Variants in ABCC4 observed in about 807,000 individuals in gnomAD.
ABCC4 encodes the protein ATP-binding cassette sub-family C member 4.
Under a neutral mutation model 168.5 loss-of-function variants are expected in ABCC4, and 102 were observed. The observed-to-expected ratio is 0.61, with a 90% CI of 0.52 to 0.71. ABCC4 has a LOEUF of 0.71. Among genes scored for constraint, ABCC4 ranks in the 30% least tolerant of loss-of-function variants. ABCC4 has a pLI of 0.00. For synonymous variants in ABCC4, 617 were observed against 590.7 expected (o/e 1.04, Z -0.65); for missense variants, 1,402 against 1,605.8 (o/e 0.87, Z 2.17).
rs558114344 is a variant in ABCC4 at position 95,210,338 on chromosome 13, C to G, written c.621+354G>C. Among the ~76,000 whole-genome samples, 8 of 152,332 alleles carry G rather than the reference C, an allele frequency of 5.3e-5. 1 individual carries two copies. The South Asian group carries it at 1.7e-3, about 32-fold the overall frequency. Reference sequence around the variant, plus strand: ...TACAAATAATAAAAAAAGAAATTAGCCAGCAATCCTTTTGTAGTTCATGAG... The same window carrying G: ...TACAAATAATAAAAAAAGAAATTAGGCAGCAATCCTTTTGTAGTTCATGAG... On this transcript the variant is annotated intron_variant, in intron 5 of 30. Transcript: ENST00000645237.
intron 19 of ABCC4, among the ~76,000 whole-genome samples, chr13:95,125,301 G>C (rs2035718365): frequency 6.6e-6 from 1 of 152,164 alleles, no homozygotes; most frequent in Non-Finnish European, 1.5e-5. Flanking sequence ...TTTCCAGGCA[G>C]GGCTGACACA....
intron 19 of ABCC4, 31 bp from the exon 20 acceptor site, chr13:95,116,032 T>A (rs746574141): frequency 5.2e-6 from 8 of 1,525,456 alleles, no homozygotes; most frequent in Non-Finnish European, 7.2e-6. Flanking sequence ...AAATTACTCA[T>A]TTCCCCAGAT....
intron 30 of ABCC4, among the ~76,000 whole-genome samples, chr13:95,024,748 T>C (rs73555524): frequency 0.03 from 4,622 of 152,156 alleles, 238 homozygotes; most frequent in African/African-American, 0.11. Flanking sequence ...TGTCAAAGAG[T>C]AATGGAGACT....
chr13:95,234,324 A>G (rs956159587), intron 4 of ABCC4, among the ~76,000 whole-genome samples: 13 of 152,266 alleles, frequency 8.5e-5, no homozygotes, highest in Non-Finnish European at 1.5e-4. Context: ...TATCAAAGGC[A>G]GCCATGCCCT....
At chr13:95,230,720 A>G (rs1262360326) in intron 4 of ABCC4, among the ~76,000 whole-genome samples, 3 of 152,194 alleles carry the variant, frequency 2.0e-5, no homozygotes, top group Non-Finnish European at 4.4e-5. Context: ...GGTTGTAGTG[A>G]GCTGAGATCA....
intron 4 of ABCC4, among the ~76,000 whole-genome samples, chr13:95,219,950 G>A (rs1295833212): frequency 6.7e-6 from 1 of 149,462 alleles, no homozygotes; most frequent in Non-Finnish European, 1.5e-5. Flanking sequence ...CCACCTCCCA[G>A]ATTCAAGAGA....
At chr13:95,096,257 A>G (rs1425221212) in intron 20 of ABCC4, 1 of 506,610 alleles carries the variant, frequency 2.0e-6, no homozygotes, top group East Asian at 3.3e-5. Flanking sequence ...GACCCTAAAG[A>G]CAGAGCAATA....
chr13:95,052,599 G>A (rs976824153), intron 27 of ABCC4, among the ~76,000 whole-genome samples: 4 of 152,018 alleles, frequency 2.6e-5, no homozygotes, highest in South Asian at 4.2e-4. Context: ...AAAATTACAC[G>A]TTTGCCAATA....
intron 4 of ABCC4, among the ~76,000 whole-genome samples, chr13:95,232,505 C>A (rs1343276855): frequency 6.6e-6 from 1 of 152,020 alleles, no homozygotes; most frequent in East Asian, 1.9e-4. Context: ...GGTGACACCA[C>A]GTCTCTACTA....
At chr13:95,198,904 A>G (rs1473311655) in intron 8 of ABCC4, among the ~76,000 whole-genome samples, 1 of 152,178 alleles carries the variant, frequency 6.6e-6, no homozygotes, top group East Asian at 1.9e-4. Flanking sequence ...TGAGAGTTGA[A>G]CAATGAGAAC....
intron 27 of ABCC4, among the ~76,000 whole-genome samples, chr13:95,051,657 T>A (rs188194098): frequency 1.1e-3 from 170 of 152,252 alleles, no homozygotes; most frequent in African/African-American, 3.8e-3. Flanking sequence ...TACTTTTTTT[T>A]AACTTTTAAT....
intron 14 of ABCC4, among the ~76,000 whole-genome samples, chr13:95,167,694 G>A (rs1158864701): frequency 2.6e-5 from 4 of 152,152 alleles, no homozygotes; most frequent in Non-Finnish European, 5.9e-5. Flanking sequence ...AGACACACAA[G>A]GAAACTCCTA....
intron 19 of ABCC4, among the ~76,000 whole-genome samples, chr13:95,128,261 T>A (rs1033919879): frequency 6.6e-6 from 1 of 152,210 alleles, no homozygotes; most frequent in Non-Finnish European, 1.5e-5. Flanking sequence ...TCTATACACA[T>A]TGGAGTCTAT....
At chr13:95,259,700 G>A (rs1171568377) in intron 1 of ABCC4, among the ~76,000 whole-genome samples, 1 of 152,236 alleles carries the variant, frequency 6.6e-6, no homozygotes, top group African/African-American at 2.4e-5. Context: ...TCAGACAGAA[G>A]TTGCAAGACA....
rs11568660 is a variant in ABCC4, at chr13:95,177,939, A to G, written c.1640+58T>C. The G allele has an allele frequency of 8.7e-4, 1,364 of 1,570,108 alleles. 6 individuals carry two copies. In the African/African-American group the frequency reaches 0.014, roughly 16 times the overall value. On this transcript the variant is annotated intron_variant, in intron 12 of 30. Transcript: ENST00000645237. The stretch of plus-strand genomic sequence containing the variant: ...CACAGTAAGCAGGTCCTATGTGCTC[A>G]CCACCACTGGAAGGTATCAAAAGAC...
At position 95,206,693 on chromosome 13, in the gene ABCC4, C is replaced by T. The variant is rs1156528420; in HGVS notation, c.1000G>A (p.Val334Met). The T allele has an allele frequency of 1.9e-6, 3 of 1,614,066 alleles. No homozygotes were observed. Among genetic ancestry groups the T allele is most frequent in the Admixed American group, 1.7e-5 (1 of 59,998 alleles). The change falls in exon 8 of 31, where the codon GTG becomes ATG. Residue 334 changes from valine (V) to methionine (M), a missense_variant. Physicochemically the swap from Val to Met is conservative, Grantham distance 21. Transcript: ENST00000645237. ...AGGAGCACGTAGGTGGTGAAGGTCA[C>T]AAACACGATGATTTTGCTTGCACTG... is the stretch of plus-strand genomic sequence containing the variant. ...FFSASKIIVF[V>M]TFTTYVLLGS...
intron 15 of ABCC4, among the ~76,000 whole-genome samples, chr13:95,165,699 T>C (rs1167306946): frequency 6.6e-6 from 1 of 152,146 alleles, no homozygotes; most frequent in Non-Finnish European, 1.5e-5. Flanking sequence ...CAGGGCAAAA[T>C]ACCTCCATCA....
chr13:95,253,380 C>T (rs142708849), intron 1 of ABCC4, among the ~76,000 whole-genome samples: 4 of 152,176 alleles, frequency 2.6e-5, no homozygotes, highest in African/African-American at 7.2e-5. Context: ...TTGTTTGCTG[C>T]TAAGCCAACA....
In ABCC4 at chr13:95,218,860, A is replaced by AAAAGAAAAG. The variant is rs1566539096; in HGVS notation, c.532-8080_532-8079insCTTTTCTTT. ...AGCAAAACCAAGAAAGAAAAGAAAA[A>AAAAGAAAAG]AAAAGAAAAGAAAAGAAAAGAGACA... On this transcript the variant is annotated intron_variant, in intron 4 of 30. Transcript: ENST00000645237. 6.0e-3 allele frequency among the ~76,000 whole-genome samples: 879 copies of AAAAGAAAAG among 146,938 alleles called. 26 individuals are homozygous for AAAAGAAAAG. The highest frequency in any genetic ancestry group is 0.022 in the African/African-American group (835 of 37,826).
Sources: gnomAD v4.1 joint callset for allele counts (sites outside exome capture counted in the v4.1 genomes callset) on GRCh38, gnomAD v4.1.1 for gene constraint, MANE v1.5 for transcripts, NCBI Gene and HGNC (gene_info 2026-07-23, HGNC 2026-07-21) for gene names.